ETV5: variants seen among roughly 807,000 people sequenced by gnomAD.
ETV5 encodes ETS translocation variant 5.
Under a neutral mutation model 70.0 loss-of-function variants are expected in ETV5, and 10 were observed. That is an observed-to-expected ratio of 0.14 (90% confidence interval 0.09 to 0.24). The LOEUF (loss-of-function observed/expected upper bound fraction) is 0.24, where lower values mean the gene tolerates loss of function less well. Among genes scored for constraint, ETV5 ranks in the 10% least tolerant of loss-of-function variants. The probability of loss-of-function intolerance (pLI) is 1.00; values close to 1 mark genes in which losing one functional copy is unlikely to be tolerated. For synonymous variants in ETV5, 216 were observed against 242.2 expected, an observed-to-expected ratio of 0.89 and a Z score of 1.01; for missense variants, 453 against 651.2, an observed-to-expected ratio of 0.70 and a Z score of 3.31.
At chr3:186,053,093 C>T (rs1713072672) in intron 11 of ETV5, among the ~76,000 whole-genome samples, 1 of 151,884 alleles carries the variant, frequency 6.6e-6, no homozygotes, top group Non-Finnish European at 1.5e-5. Context: ...AAACTATATT[C>T]CTTCGATTAT....
rs1225932263 is a variant in ETV5, at chr3:186,048,795, G to T, written c.1377C>A (p.Phe459Leu). The T allele has an allele frequency of 1.2e-6, 2 of 1,614,036 alleles. No homozygotes were observed. The highest frequency in any genetic ancestry group is 1.7e-6 in the Non-Finnish European group (2 of 1,180,042). Residue 459 changes from phenylalanine (F) to leucine (L), a missense_variant, in exon 13 of 13, where the codon TTC (phenylalanine) becomes TTA (leucine). Phe to Leu is a conservative substitution (Grantham distance 22). Around this residue, in one of 4 missense-constraint regions of ETV5, gnomAD observed 74 missense variants for 95.2 expected, o/e 0.78. Coordinates refer to ENST00000306376, the MANE Select transcript of ETV5 (RefSeq NM_004454.3). The stretch of plus-strand genomic sequence containing the variant: ...TCAGGAACGGACGCTGGTTATCCGG[G>T]AAAGCCATGGAGAAGAGGGCATCTG... ...CDPDALFSMA[F>L]PDNQRPFLKA...
At chr3:186,107,969 A>C (rs1023520314) in intron 1 of ETV5, among the ~76,000 whole-genome samples, 2 of 151,322 alleles carry the variant, frequency 1.3e-5, no homozygotes, top group African/African-American at 2.4e-5. Flanking sequence ...GCGTTTTAGG[A>C]AGAAAGCTCA....
In ETV5 at chr3:186,057,956, A is replaced by G. The variant is rs1182660434; in HGVS notation, c.971-465T>C. ...TCCAAGCTACTCACATACCTCGTTC[A>G]ATTACGAAAGAGCTTGAAGGGTAAA... is the stretch of plus-strand genomic sequence containing the variant. On this transcript the variant is annotated intron_variant, in intron 9 of 12. Transcript: ENST00000306376. This position sits in a 1 kb window ranked among gnomAD's most constrained non-coding sequence, Gnocchi z 4.9. Among the ~76,000 whole-genome samples the G allele has an allele frequency of 6.6e-6, 1 of 152,228 alleles. No individual in the cohort carries two copies. Among genetic ancestry groups the G allele is most frequent in the Admixed American group, 6.5e-5 (1 of 15,284 alleles).
At chr3:186,086,616 C>T (rs986084905) in intron 5 of ETV5, among the ~76,000 whole-genome samples, 1 of 152,008 alleles carries the variant, frequency 6.6e-6, no homozygotes, top group Non-Finnish European at 1.5e-5. Flanking sequence ...ACAATATCAA[C>T]AAAATCATCA....
intron 7 of ETV5, among the ~76,000 whole-genome samples, chr3:186,071,627 C>T (rs192793383): frequency 1.1e-4 from 16 of 152,312 alleles, no homozygotes; most frequent in Non-Finnish European, 1.5e-4. Context: ...ACTGCCCCAC[C>T]TTCTCCCCAC....
At chr3:186,108,026 G>C (rs1427032952) in intron 1 of ETV5, among the ~76,000 whole-genome samples, 3 of 150,308 alleles carry the variant, frequency 2.0e-5, no homozygotes, top group African/African-American at 7.3e-5. Flanking sequence ...GCCGCAGGGA[G>C]CAGCGAGCCA....
intron 7 of ETV5, among the ~76,000 whole-genome samples, chr3:186,077,008 T>C (rs1713809267): frequency 6.6e-6 from 1 of 152,200 alleles, no homozygotes; most frequent in Non-Finnish European, 1.5e-5. Context: ...CTGAAACAAA[T>C]GGCGTAATTA....
chr3:186,057,623 C>T lies in ETV5; in HGVS notation c.971-132G>A, dbSNP rs1417600635. The T allele has an allele frequency of 1.3e-6, 1 of 789,370 alleles. No individual in the cohort carries two copies. Among genetic ancestry groups the T allele is most frequent in the African/African-American group, 1.7e-5 (1 of 58,328 alleles). The allele number at this position is 789,370 out of a possible 1,614,324, so 48.9% of individuals were successfully genotyped here. A position where few individuals can be genotyped will look rare whatever the true frequency, so the allele number is the denominator to read the frequency against. On this transcript the variant is annotated intron_variant, in intron 9 of 12. Transcript: ENST00000306376. This position sits in a 1 kb window ranked among gnomAD's most constrained non-coding sequence, Gnocchi z 4.9. Reference sequence around the variant, plus strand: ...GTCCTACTGCTGTATCTATGGCAGACTGAATTTTCAGGGACTTCAAGAGGG... The same window carrying T: ...GTCCTACTGCTGTATCTATGGCAGATTGAATTTTCAGGGACTTCAAGAGGG...
intron 7 of ETV5, 127 bp from the exon 8 acceptor site, chr3:186,066,199 G>C: frequency 1.6e-6 from 1 of 608,426 alleles, no homozygotes; most frequent in Non-Finnish European, 2.2e-6. Flanking sequence ...GCTTATTTCT[G>C]GGCATTTTAC....
intron 7 of ETV5, 36 bp from the exon 8 acceptor site, chr3:186,066,108 A>G: frequency 6.6e-7 from 1 of 1,523,112 alleles, no homozygotes; most frequent in Non-Finnish European, 8.8e-7. Flanking sequence ...TTGAACAAAG[A>G]CTTGATGAAT....
intron 7 of ETV5, among the ~76,000 whole-genome samples, chr3:186,075,459 G>T (rs573415859): frequency 1.3e-5 from 2 of 152,252 alleles, no homozygotes; most frequent in East Asian, 1.9e-4. Flanking sequence ...AAGAGAGGAA[G>T]AAAAAACAAG....
At chr3:186,073,671 A>G (rs1264531263) in intron 7 of ETV5, among the ~76,000 whole-genome samples, 1 of 152,248 alleles carries the variant, frequency 6.6e-6, no homozygotes, top group African/African-American at 2.4e-5. Context: ...AAGAAATAAT[A>G]GAAAATACTT....
intron 5 of ETV5, among the ~76,000 whole-genome samples, chr3:186,092,843 C>T (rs549558656): frequency 1.3e-4 from 20 of 152,184 alleles, no homozygotes; most frequent in African/African-American, 4.6e-4. Flanking sequence ...CTCAGATAAC[C>T]CTAAGTCTCT....
chr3:186,102,273 T>C (rs979849685), intron 5 of ETV5, among the ~76,000 whole-genome samples: 1 of 152,148 alleles, frequency 6.6e-6, no homozygotes, highest in Non-Finnish European at 1.5e-5. Context: ...AATTTACACA[T>C]ATACAATGGA....
chr3:186,101,265 G>A (rs958224735), intron 5 of ETV5, among the ~76,000 whole-genome samples: 1 of 152,120 alleles, frequency 6.6e-6, no homozygotes, highest in Admixed American at 6.5e-5. Context: ...TGTCTTCTAG[G>A]AAACATGGCA....
At chr3:186,073,519 G>A (rs145318398) in intron 7 of ETV5, among the ~76,000 whole-genome samples, 1 of 152,290 alleles carries the variant, frequency 6.6e-6, no homozygotes, top group Non-Finnish European at 1.5e-5. Flanking sequence ...CAACTCCAGA[G>A]CCACTGGCCT....
intron 1 of ETV5, among the ~76,000 whole-genome samples, chr3:186,107,496 C>T (rs544738842): frequency 6.6e-6 from 1 of 152,138 alleles, no homozygotes; most frequent in East Asian, 1.9e-4. Context: ...AAATACTTCA[C>T]CCGGAAGAGC....
chr3:186,071,352 G>A (rs1578546986), intron 7 of ETV5, among the ~76,000 whole-genome samples: 1 of 152,214 alleles, frequency 6.6e-6, no homozygotes, highest in Non-Finnish European at 1.5e-5. Flanking sequence ...TAAGGCTCAG[G>A]GAAGAAGACG....
intron 7 of ETV5, among the ~76,000 whole-genome samples, chr3:186,073,343 G>A (rs1396040223): frequency 6.6e-6 from 1 of 152,142 alleles, no homozygotes; most frequent in African/African-American, 2.4e-5. Flanking sequence ...AACATTTACT[G>A]AACACCTCTG....
Sources: allele counts gnomAD v4.1 joint callset (sites outside exome capture counted in the v4.1 genomes callset), GRCh38; gene constraint gnomAD v4.1.1; regional missense constraint gnomAD v4.1.1; non-coding constraint Gnocchi (gnomAD v3.1); transcripts MANE v1.5; gene names NCBI Gene and HGNC (gene_info 2026-07-23, HGNC 2026-07-21).